Variants in DTNB observed in about 807,000 individuals in gnomAD.
DTNB encodes the protein DTN-B.
Under a neutral mutation model 90.7 loss-of-function variants are expected in DTNB, and 63 were observed. The observed-to-expected ratio is 0.69, with a 90% CI of 0.57 to 0.86. DTNB has a LOEUF of 0.86. Among genes scored for constraint, DTNB ranks in the 40% least tolerant of loss-of-function variants. The pLI, the probability that DTNB is intolerant of heterozygous loss-of-function variation, is 0.00. For synonymous variants in DTNB, 277 were observed against 286.7 expected (o/e 0.97, Z 0.34); for missense variants, 744 against 807.1 (o/e 0.92, Z 0.95).
chr2:25,672,659 T>C (rs1194413224), intron 1 of DTNB: 3 of 152,112 alleles, frequency 2.0e-5, no homozygotes, highest in Non-Finnish European at 4.4e-5. Flanking sequence ...GCATGCGACA[T>C]AAAATTCGAC....
intron 8 of DTNB, among the ~76,000 whole-genome samples, chr2:25,572,018 C>T (rs1158467613): frequency 6.6e-6 from 1 of 152,102 alleles, no homozygotes; most frequent in African/African-American, 2.4e-5. Context: ...ATGCACAGAG[C>T]ACCCTTGCCT....
At chr2:25,418,559 T>A (rs71439176) in intron 16 of DTNB, among the ~76,000 whole-genome samples, 1 of 151,210 alleles carries the variant, frequency 6.6e-6, no homozygotes, top group African/African-American at 2.4e-5. Flanking sequence ...ATTAGCTGGG[T>A]GTGGTGGTGC....
At chr2:25,471,966 C>T (rs182728551) in intron 10 of DTNB, among the ~76,000 whole-genome samples, 2 of 152,260 alleles carry the variant, frequency 1.3e-5, no homozygotes, top group African/African-American at 4.8e-5. Context: ...AGGAATAATA[C>T]CTTTCTTTTT....
At chr2:25,392,697 G>A in intron 16 of DTNB, among the ~76,000 whole-genome samples, 1 of 152,060 alleles carries the variant, frequency 6.6e-6, no homozygotes, top group East Asian at 1.9e-4. Flanking sequence ...AAACCAGGAA[G>A]ATACAGAATA....
intron 16 of DTNB, among the ~76,000 whole-genome samples, chr2:25,393,139 T>A (rs2041602809): frequency 6.6e-6 from 1 of 152,138 alleles, no homozygotes; most frequent in Non-Finnish European, 1.5e-5. Flanking sequence ...AAAAATCACA[T>A]GATCCAATAA....
chr2:25,590,524 T>C (rs1012181478), intron 6 of DTNB, among the ~76,000 whole-genome samples: 1 of 151,912 alleles, frequency 6.6e-6, no homozygotes, highest in Non-Finnish European at 1.5e-5. Context: ...ATCGTCCTGA[T>C]GTCTCTTCAG....
chr2:25,597,007 C>A (rs1278552431), intron 5 of DTNB, among the ~76,000 whole-genome samples: 12 of 152,098 alleles, frequency 7.9e-5, no homozygotes, highest in Admixed American at 7.9e-4. Flanking sequence ...AAGAATTTAA[C>A]AAAGAAATGT....
chr2:25,491,137 G>GCACACACACACA (rs368677624), intron 9 of DTNB, among the ~76,000 whole-genome samples: 1 of 139,944 alleles, frequency 7.1e-6, no homozygotes, highest in Non-Finnish European at 1.6e-5. Context: ...TGTTATATGA[G>GCACACACACACA]CACACACACA....
intron 4 of DTNB, among the ~76,000 whole-genome samples, chr2:25,619,696 A>C (rs2071897789): frequency 6.6e-6 from 1 of 152,200 alleles, no homozygotes; most frequent in Admixed American, 6.5e-5. Context: ...TAAGTCATCA[A>C]AAGGATGAAA....
chr2:25,595,732 G>A (rs1304685339), intron 6 of DTNB, among the ~76,000 whole-genome samples: 2 of 152,170 alleles, frequency 1.3e-5, no homozygotes, highest in African/African-American at 2.4e-5. Flanking sequence ...AAACAATGCA[G>A]TATTGTTACA....
Position 25,638,103 on chromosome 2 carries a change from G to A in DTNB, c.148+911C>T, listed in dbSNP as rs140729652. ...AAGTCATCATTCTCAGCAAACTATCGCAAGGACAGAAAAGTGAACACCACA... is the reference window on the plus strand; with the variant it reads ...AAGTCATCATTCTCAGCAAACTATCACAAGGACAGAAAAGTGAACACCACA... On this transcript the variant is annotated intron_variant, in intron 3 of 20. Coordinates refer to ENST00000406818, the MANE Select transcript of DTNB (RefSeq NM_021907.5). 8.2e-3 allele frequency among the ~76,000 whole-genome samples: 1,245 copies of A among 152,228 alleles called. 17 individuals are homozygous for A. The highest frequency in any genetic ancestry group is 0.028 in the African/African-American group (1,174 of 41,538).
In DTNB at chr2:25,556,715, C is replaced by A. The variant is rs369718781; in HGVS notation, c.876+20123G>T. 6.1e-4 allele frequency among the ~76,000 whole-genome samples: 93 copies of A among 152,024 alleles called. 1 individual carries two copies. In the South Asian group the frequency reaches 0.017, roughly 28 times the overall value. ...CCATGAAGAGACACATCAAACCACTCGGAGAATCAGAAAAAGTAGTGATAC... is the reference window on the plus strand; with the variant it reads ...CCATGAAGAGACACATCAAACCACTAGGAGAATCAGAAAAAGTAGTGATAC... On this transcript the variant is annotated intron_variant, in intron 8 of 20. Transcript: ENST00000406818.
intron 5 of DTNB, chr2:25,599,018 C>T (rs1045253149): frequency 1.3e-5 from 2 of 151,668 alleles, no homozygotes; most frequent in Admixed American, 6.6e-5. Context: ...CTGTTAATGA[C>T]CGGCACACAA....
At chr2:25,563,772 G>A (rs2058600372) in intron 8 of DTNB, among the ~76,000 whole-genome samples, 1 of 152,158 alleles carries the variant, frequency 6.6e-6, no homozygotes, top group South Asian at 2.1e-4. Flanking sequence ...AAATACAAGG[G>A]TTTATTTCTG....
chr2:25,418,698 C>CAAA (rs565809547), intron 16 of DTNB, among the ~76,000 whole-genome samples: 6 of 83,612 alleles, frequency 7.2e-5, no homozygotes, highest in African/African-American at 2.7e-4. Flanking sequence ...GACACCGTCT[C>CAAA]AAAAAAAAAA....
At chr2:25,505,552 A>G (rs982835649) in intron 9 of DTNB, among the ~76,000 whole-genome samples, 1 of 152,126 alleles carries the variant, frequency 6.6e-6, no homozygotes, top group African/African-American at 2.4e-5. Flanking sequence ...TTAGAATTCT[A>G]AAGGTTTACA....
intron 9 of DTNB, among the ~76,000 whole-genome samples, chr2:25,509,746 CTTTTTTT>C (rs36101268): frequency 2.4e-5 from 2 of 83,738 alleles, no homozygotes; most frequent in Non-Finnish European, 4.6e-5. Context: ...CTTTTAGATT[CTTTTTTT>C]TTTTTTTTTT....
At chr2:25,608,907 G>C (rs939659961) in intron 4 of DTNB, among the ~76,000 whole-genome samples, 1 of 152,198 alleles carries the variant, frequency 6.6e-6, no homozygotes, top group African/African-American at 2.4e-5. Context: ...TGGAGAAGCA[G>C]GAACTCCAGA....
At chr2:25,647,732 C>T (rs1242743245) in intron 2 of DTNB, among the ~76,000 whole-genome samples, 1 of 151,320 alleles carries the variant, frequency 6.6e-6, no homozygotes. Context: ...ATCAACCAAC[C>T]AACTGATCAA....
Sources: allele counts gnomAD v4.1 joint callset (sites outside exome capture counted in the v4.1 genomes callset), GRCh38; gene constraint gnomAD v4.1.1; transcripts MANE v1.5; gene names NCBI Gene and HGNC (gene_info 2026-07-23, HGNC 2026-07-21).